CLPB: variants seen among roughly 807,000 people sequenced by gnomAD.
CLPB encodes ClpB family mitochondrial disaggregase.
A neutral mutation model predicts 78.4 loss-of-function variants in CLPB; 40 were observed. That is an observed-to-expected ratio of 0.51 (90% CI 0.40 to 0.66). CLPB has a LOEUF of 0.66. Ranked by LOEUF, CLPB falls within the 30% of genes least tolerant of loss-of-function variation. The probability of loss-of-function intolerance (pLI) is 0.00; values close to 1 mark genes in which losing one functional copy is unlikely to be tolerated. For synonymous variants in CLPB, 333 were observed against 348.0 expected (o/e 0.96, Z 0.48); for missense variants, 780 against 886.9 (o/e 0.88, Z 1.53).
At chr11:72,336,783 G>A (rs917800793) in intron 5 of CLPB, 10 of 285,560 alleles carry the variant, frequency 3.5e-5, no homozygotes, top group Non-Finnish European at 5.2e-5. Flanking sequence ...ATTCTTTTCC[G>A]TTATGAGCTC....
intron 6 of CLPB, among the ~76,000 whole-genome samples, chr11:72,322,925 T>C (rs765349874): frequency 4.9e-4 from 75 of 152,142 alleles, no homozygotes; most frequent in Non-Finnish European, 8.2e-4. Flanking sequence ...ATCATCCCCA[T>C]TGTACAGAGA....
intron 4 of CLPB, among the ~76,000 whole-genome samples, chr11:72,376,819 G>GC (rs1854717089): frequency 6.6e-6 from 1 of 152,080 alleles, no homozygotes; most frequent in South Asian, 2.1e-4. Flanking sequence ...CTACAGGCAT[G>GC]CACCACCACG....
chr11:72,337,106 TCTC>T (rs1950336521), intron 5 of CLPB: 1 of 398,622 alleles, frequency 2.5e-6, no homozygotes, highest in Admixed American at 4.4e-5. Flanking sequence ...CAGAGCCAAT[TCTC>T]CTCTACTTTC....
At chr11:72,425,507 C>T (rs1856348012) in intron 2 of CLPB, among the ~76,000 whole-genome samples, 1 of 152,118 alleles carries the variant, frequency 6.6e-6, no homozygotes, top group African/African-American at 2.4e-5. Flanking sequence ...GTCCTTCTTC[C>T]TCACCAGAGG....
In CLPB at chr11:72,369,725, G is replaced by T. The variant is rs140191749; in HGVS notation, c.646+10556C>A. Among the ~76,000 whole-genome samples the T allele has an allele frequency of 5.3e-3, 809 of 152,242 alleles. 7 individuals carry two copies. The highest frequency in any genetic ancestry group is 0.019 in the African/African-American group (780 of 41,556). Reference sequence around the variant, plus strand: ...ACTTGCAAAAAGAACAATAAATTCTGCCCCTCTCTGGTTCTGAGGTGGTCT... The same window carrying T: ...ACTTGCAAAAAGAACAATAAATTCTTCCCCTCTCTGGTTCTGAGGTGGTCT... On this transcript the variant is annotated intron_variant, in intron 4 of 15. Coordinates refer to ENST00000538039, the MANE Select transcript of CLPB (RefSeq NM_001258392.3).
At chr11:72,319,589 A>T (rs1258767375) in intron 6 of CLPB, among the ~76,000 whole-genome samples, 1 of 152,174 alleles carries the variant, frequency 6.6e-6, no homozygotes, top group African/African-American at 2.4e-5. Flanking sequence ...TAGCTAGCTG[A>T]CCTTGGGGAA....
At chr11:72,329,268 T>TA (rs1038719471) in intron 6 of CLPB, among the ~76,000 whole-genome samples, 85 of 152,250 alleles carry the variant, frequency 5.6e-4, no homozygotes, top group African/African-American at 2.0e-3. Flanking sequence ...GGTGAAGGAA[T>TA]AGTTCTAGAA....
chr11:72,316,651 A>G (rs1238524322), intron 7 of CLPB, among the ~76,000 whole-genome samples: 1 of 152,212 alleles, frequency 6.6e-6, no homozygotes, highest in Non-Finnish European at 1.5e-5. Flanking sequence ...CCAGCTGCTG[A>G]CAAACTATCT....
At chr11:72,355,244 G>A (rs1320676980) in intron 5 of CLPB, 2 of 152,232 alleles carry the variant, frequency 1.3e-5, no homozygotes, top group Non-Finnish European at 1.5e-5. Context: ...TAGACCAGAC[G>A]ACGAAGAAAG....
At chr11:72,317,074 A>G in intron 7 of CLPB, 32 bp downstream of exon 7, 2 of 1,492,436 alleles carry the variant, frequency 1.3e-6, no homozygotes, top group Non-Finnish European at 1.8e-6. Flanking sequence ...AAAGGGCACC[A>G]CTCTGCCCTT....
intron 4 of CLPB, among the ~76,000 whole-genome samples, chr11:72,367,026 G>T (rs1379952973): frequency 6.6e-6 from 1 of 152,074 alleles, no homozygotes; most frequent in African/African-American, 2.4e-5. Context: ...TATACCATGG[G>T]ATACTACATG....
intron 3 of CLPB, among the ~76,000 whole-genome samples, chr11:72,381,978 C>T (rs1854930469): frequency 6.6e-6 from 1 of 152,192 alleles, no homozygotes; most frequent in African/African-American, 2.4e-5. Context: ...ACCCAGGTCC[C>T]AGGCTGGCCC....
chr11:72,346,065 G>A (rs937450304), intron 5 of CLPB, among the ~76,000 whole-genome samples: 13 of 152,304 alleles, frequency 8.5e-5, no homozygotes, highest in East Asian at 3.9e-4. Context: ...GAAAGAACCC[G>A]TCAGGATTAA....
intron 5 of CLPB, among the ~76,000 whole-genome samples, chr11:72,337,728 C>T (rs562544610): frequency 2.0e-4 from 30 of 152,260 alleles, no homozygotes; most frequent in Middle Eastern, 3.4e-3. Flanking sequence ...AAAATGCTAC[C>T]TTCCAAAGGC....
At chr11:72,307,359 G>T in intron 8 of CLPB, 105 bp from the exon 9 acceptor site, 1 of 982,398 alleles carries the variant, frequency 1.0e-6, no homozygotes, top group Non-Finnish European at 1.6e-6. Flanking sequence ...ATATTCTATG[G>T]ATGAGAATGT....
chr11:72,396,329 C>T (rs1446993597), intron 3 of CLPB, among the ~76,000 whole-genome samples: 1 of 152,180 alleles, frequency 6.6e-6, no homozygotes, highest in East Asian at 1.9e-4. Flanking sequence ...TCAAACAGTT[C>T]TGATGTGCTT....
chr11:72,375,010 T>C (rs957797563), intron 4 of CLPB, among the ~76,000 whole-genome samples: 2 of 152,228 alleles, frequency 1.3e-5, no homozygotes, highest in African/African-American at 4.8e-5. Context: ...GGTGTCACCA[T>C]GCATACCTCC....
intron 3 of CLPB, among the ~76,000 whole-genome samples, chr11:72,400,021 T>A (rs1163592327): frequency 6.6e-6 from 1 of 152,228 alleles, no homozygotes; most frequent in Non-Finnish European, 1.5e-5. Flanking sequence ...CAAGTTCTAC[T>A]TTTCCTTTTT....
At chr11:72,333,624 T>C (rs1950267351) in intron 5 of CLPB, among the ~76,000 whole-genome samples, 1 of 152,148 alleles carries the variant, frequency 6.6e-6, no homozygotes, top group Non-Finnish European at 1.5e-5. Flanking sequence ...ATTCCACCTC[T>C]CCAGGAGCTC....
Sources: allele counts gnomAD v4.1 joint callset (sites outside exome capture counted in the v4.1 genomes callset), GRCh38; gene constraint gnomAD v4.1.1; transcripts MANE v1.5; gene names NCBI Gene and HGNC (gene_info 2026-07-23, HGNC 2026-07-21).